SORCS1: variants seen among roughly 807,000 people sequenced by gnomAD.
The protein encoded by SORCS1 is VPS10 domain-containing receptor SorCS1.
SORCS1 carries 60 observed loss-of-function variants against 146.1 expected under a neutral mutation model. The ratio of observed to expected loss-of-function variants is 0.41; its 90% CI spans 0.33 to 0.51. The LOEUF (loss-of-function observed/expected upper bound fraction) is 0.51. SORCS1 is among the 20% of genes least tolerant of loss of function. The pLI, the probability that SORCS1 is intolerant of heterozygous loss-of-function variation, is 0.21. For synonymous variants in SORCS1, 637 were observed against 584.0 expected (o/e 1.09, Z -1.31); for missense variants, 1,352 against 1,487.6 (o/e 0.91, Z 1.50).
At chr10:107,013,732 A>G (rs1957775631) in intron 1 of SORCS1, among the ~76,000 whole-genome samples, 1 of 152,156 alleles carries the variant, frequency 6.6e-6, no homozygotes, top group African/African-American at 2.4e-5. Flanking sequence ...ATGACACCAT[A>G]AATTCCCTCC....
upstream of SORCS1, among the ~76,000 whole-genome samples, chr10:107,168,151 G>A (rs1423797625): frequency 5.9e-5 from 9 of 152,104 alleles, no homozygotes; most frequent in Admixed American, 5.9e-4. Context: ...TTTCGCTGAT[G>A]TGCCCAGTTT....
chr10:106,681,267 C>T (rs1589651420), intron 10 of SORCS1, among the ~76,000 whole-genome samples: 2 of 152,268 alleles, frequency 1.3e-5, no homozygotes, highest in South Asian at 2.1e-4. Context: ...ACCAGTTTTC[C>T]ATGAAAGTCT....
At chr10:106,766,458 T>A (rs552566703) in intron 4 of SORCS1, among the ~76,000 whole-genome samples, 1 of 152,254 alleles carries the variant, frequency 6.6e-6, no homozygotes, top group South Asian at 2.1e-4. Context: ...AGTTCTTTTT[T>A]CCATCACCCT....
chr10:106,811,099 C>A (rs1261512437), intron 3 of SORCS1, among the ~76,000 whole-genome samples: 1 of 151,946 alleles, frequency 6.6e-6, no homozygotes, highest in Non-Finnish European at 1.5e-5. Flanking sequence ...ACCACCACAT[C>A]CGGCTAATTT....
intron 1 of SORCS1, among the ~76,000 whole-genome samples, chr10:107,065,608 C>T (rs1395235271): frequency 6.6e-6 from 1 of 150,702 alleles, no homozygotes; most frequent in Non-Finnish European, 1.5e-5. Context: ...ACTTTCGCCT[C>T]CAGGGCTCAA....
chr10:106,790,104 G>C (rs1229200657), intron 3 of SORCS1, among the ~76,000 whole-genome samples: 1 of 152,170 alleles, frequency 6.6e-6, no homozygotes, highest in Non-Finnish European at 1.5e-5. Context: ...GATTAGATTT[G>C]GGTAGGGACA....
intron 4 of SORCS1, among the ~76,000 whole-genome samples, chr10:106,773,982 C>A (rs574993640): frequency 6.6e-6 from 1 of 152,148 alleles, no homozygotes; most frequent in South Asian, 2.1e-4. Flanking sequence ...TATCAAACGT[C>A]AGGTAGCCCC....
At chr10:106,926,866 CAGAGAGAG>C (rs370902733) in intron 2 of SORCS1, among the ~76,000 whole-genome samples, 45 of 62,050 alleles carry the variant, frequency 7.3e-4, no homozygotes, top group South Asian at 6.0e-3. Context: ...CACACACACA[CAGAGAGAG>C]AGAGAGAGAG....
chr10:106,888,785 G>A (rs543153944), intron 2 of SORCS1, among the ~76,000 whole-genome samples: 23 of 152,338 alleles, frequency 1.5e-4, no homozygotes, highest in African/African-American at 3.8e-4. Context: ...CAGATTGTAA[G>A]CTGGTAAGAG....
intron 1 of SORCS1, among the ~76,000 whole-genome samples, chr10:107,121,258 A>C (rs1338950431): frequency 6.6e-6 from 1 of 152,170 alleles, no homozygotes; most frequent in Non-Finnish European, 1.5e-5. Flanking sequence ...GTAAAATATA[A>C]TCCCTCTCTG....
chr10:106,684,110 T>A (rs1186283388), intron 10 of SORCS1, among the ~76,000 whole-genome samples: 2 of 152,052 alleles, frequency 1.3e-5, no homozygotes, highest in Non-Finnish European at 2.9e-5. Context: ...CCAAGGTAGG[T>A]GGATCATGAG....
rs373896148 is a variant in SORCS1 at position 107,126,697 on chromosome 10, T to C, written c.558+37272A>G. Among the ~76,000 whole-genome samples the C allele has an allele frequency of 1.6e-3, 251 of 152,262 alleles. 2 individuals are homozygous for C. The highest frequency in any genetic ancestry group is 5.8e-3 in the African/African-American group (239 of 41,544). ...AGAGGGGACACAACAGTTCTGCTCA[T>C]TGCAGAGGCACTTCTTTTGATGGAT... On this transcript the variant is annotated intron_variant, in intron 1 of 25. Coordinates refer to ENST00000263054, the MANE Select transcript of SORCS1 (RefSeq NM_052918.5).
chr10:107,151,737 C>T (rs1049913416), intron 1 of SORCS1, among the ~76,000 whole-genome samples: 2 of 152,148 alleles, frequency 1.3e-5, no homozygotes, highest in African/African-American at 4.8e-5. Flanking sequence ...TGGCATTTTG[C>T]CCCTGCCCTA....
At chr10:106,946,584 C>T (rs1954357876) in intron 2 of SORCS1, among the ~76,000 whole-genome samples, 1 of 152,254 alleles carries the variant, frequency 6.6e-6, no homozygotes, top group Admixed American at 6.5e-5. Flanking sequence ...GTGGGGCCTC[C>T]CCAGCACTGT....
intron 22 of SORCS1, among the ~76,000 whole-genome samples, chr10:106,610,579 T>A (rs1401573671): frequency 6.6e-6 from 1 of 152,192 alleles, no homozygotes; most frequent in African/African-American, 2.4e-5. Context: ...AGGAGTTATC[T>A]GAATGCCTTT....
the SORCS1 span, among the ~76,000 whole-genome samples, chr10:107,174,412 G>A: frequency 6.6e-6 from 1 of 152,082 alleles, no homozygotes; most frequent in African/African-American, 2.4e-5. Context: ...GTTTCACCGT[G>A]TTAGCCAGGA....
chr10:106,655,420 G>A (rs2135301723), intron 17 of SORCS1, among the ~76,000 whole-genome samples: 1 of 152,038 alleles, frequency 6.6e-6, no homozygotes, highest in African/African-American at 2.4e-5. Context: ...CTGAAGTCAG[G>A]TTATGATTTT....
At chr10:107,152,242 G>A (rs1029582564) in intron 1 of SORCS1, among the ~76,000 whole-genome samples, 7 of 152,208 alleles carry the variant, frequency 4.6e-5, no homozygotes, top group African/African-American at 1.7e-4. Context: ...AGGATGTACA[G>A]AAATGCCTGG....
intron 4 of SORCS1, among the ~76,000 whole-genome samples, chr10:106,768,385 TA>T (rs1186533439): frequency 4.6e-5 from 7 of 152,212 alleles, no homozygotes; most frequent in Non-Finnish European, 5.9e-5. Flanking sequence ...TGGCATTAGG[TA>T]GATATCAGTT....
Sources: gnomAD v4.1 joint callset for allele counts (sites outside exome capture counted in the v4.1 genomes callset) on GRCh38, gnomAD v4.1.1 for gene constraint, MANE v1.5 for transcripts, NCBI Gene and HGNC (gene_info 2026-07-23, HGNC 2026-07-21) for gene names.